FBXW5: variants seen among roughly 807,000 people sequenced by gnomAD.
FBXW5 encodes the protein F-box and WD repeat domain containing 5.
Under a neutral mutation model 50.9 loss-of-function variants are expected in FBXW5, and 74 were observed. That is an observed-to-expected ratio of 1.45 (90% CI 1.20 to 1.76). FBXW5 has a LOEUF of 1.76. FBXW5 is among the 40% of genes most tolerant of loss of function. The probability of loss-of-function intolerance (pLI) is 0.00; values close to 1 mark genes in which losing one functional copy is unlikely to be tolerated. For synonymous variants in FBXW5, 523 were observed against 362.2 expected, an observed-to-expected ratio of 1.44 and a Z score of -5.04; for missense variants, 1,073 against 818.8, an observed-to-expected ratio of 1.31 and a Z score of -3.79.
rs374458979 is a variant in FBXW5, at chr9:136,943,970, G to A, written c.114C>T (p.Ala38=). The A allele has an allele frequency of 2.2e-4, 349 of 1,572,354 alleles. No individual in the cohort carries two copies. The highest frequency in any genetic ancestry group is 2.5e-4 in the Non-Finnish European group (291 of 1,160,304). The change falls in exon 2 of 9, where the codon GCC becomes GCT. Residue 38 remains alanine, a synonymous_variant. Coordinates refer to ENST00000325285, the MANE Select transcript of FBXW5 (RefSeq NM_018998.4). ...AAGLVCRQWQ[A]VSRDEFLWRE... Reference sequence around the variant, plus strand: ...TCCACAGGAACTCGTCCCGCGACACGGCCTGCCATTGGCGGCACACCAGCC... The same window carrying A: ...TCCACAGGAACTCGTCCCGCGACACAGCCTGCCATTGGCGGCACACCAGCC...
intron 6 of FBXW5, 125 bp from the exon 7 acceptor site, chr9:136,941,809 C>A (rs1428604679): frequency 1.4e-6 from 2 of 1,445,680 alleles, no homozygotes; most frequent in East Asian, 5.0e-5. Context: ...GCACTGCCTG[C>A]TCCGGGGGCC....
In FBXW5 at chr9:136,942,433, G is replaced by T; in HGVS notation, c.709C>A (p.Arg237=). 1.2e-6 allele frequency: 2 copies of T among 1,601,650 alleles called. No homozygotes were observed. Residue 237 remains arginine, a synonymous_variant, in exon 6 of 9, where the codon CGG becomes AGG. Transcript: ENST00000325285. The part of the protein sequence containing the change: ...VESENVNVVK[R]LFKIQNLNAS... ...TTGAGGTTCTGGATCTTGAACAGCC[G>T]CTTCACCACGTTGACGTTCTCTGAC... is the stretch of plus-strand genomic sequence containing the variant.
Position 136,942,956 on chromosome 9 carries a change from G to A in FBXW5, c.352-13C>T. The A allele has an allele frequency of 1.2e-6, 2 of 1,612,670 alleles. No homozygotes were observed. Among genetic ancestry groups the A allele is most frequent in the East Asian group, 2.2e-5 (1 of 44,850 alleles). On this transcript the variant is annotated splice_polypyrimidine_tract_variant and intron_variant, in intron 3 of 8. Transcript: ENST00000325285. ...CGTTGCTCCAGATCTGTTCGGCAGG[G>A]GCGGCTGTAGTGATCGCCTGGCCAG...
At position 136,941,453 on chromosome 9, in the gene FBXW5, C is replaced by A; in HGVS notation, c.1255G>T (p.Val419Leu). ...GLSPDNRYLY[V>L]NSRAWPNGAV... ...CCGTTGGGCCAGGCGCGGCTGTTCA[C>A]GTACAGGTACCTGGGCGAGGGGCAC... Residue 419 changes from valine to leucine, a missense_variant, in exon 8 of 9, where the codon GTG becomes TTG. Transcript: ENST00000325285. The A allele has an allele frequency of 6.2e-7, 1 of 1,607,366 alleles. No homozygotes were observed. The highest frequency in any genetic ancestry group is 8.5e-7 in the Non-Finnish European group (1 of 1,179,788).
Position 136,942,336 on chromosome 9 carries a change from G to C in FBXW5, c.806C>G (p.Ala269Gly), listed in dbSNP as rs750934597. The C allele has an allele frequency of 3.1e-6, 5 of 1,603,074 alleles. No homozygotes were observed. The African/African-American group carries it at 6.7e-5, about 21-fold the overall frequency. The stretch of plus-strand genomic sequence containing the variant: ...GCAGGGGGACGTGGCCGGGTCACCG[G>C]CTTCCAGCAGCAGGTCAGGGCTGTC... ...RFDSPDLLLE[A>G]GDPATSPCRI... is the part of the protein sequence containing the mutation. The change falls in exon 6 of 9, where the codon GCC (alanine) becomes GGC (glycine). Residue 269 changes from alanine (A) to glycine (G), a missense_variant. Ala to Gly is a moderately conservative substitution (Grantham distance 60, BLOSUM62 0). Coordinates refer to ENST00000325285, the MANE Select transcript of FBXW5 (RefSeq NM_018998.4).
At position 136,942,694 on chromosome 9, in the gene FBXW5, G is replaced by A. The variant is rs745504729; in HGVS notation, c.528C>T (p.Asp176=). The change falls in exon 5 of 9, where the codon GAC becomes GAT. Residue 176 remains aspartate, a splice_region_variant and synonymous_variant. Coordinates refer to ENST00000325285, the MANE Select transcript of FBXW5 (RefSeq NM_018998.4). ...GCACGCGGGACAGCAGCGCGAAGGA[G>A]TCTGTGGGGAGGCCGGGGCTGGACA... The part of the protein sequence containing the change: ...SSGEIAVISL[D]SFALLSRVRN... The A allele has an allele frequency of 6.2e-7, 1 of 1,611,252 alleles. No individual in the cohort carries two copies. The highest frequency in any genetic ancestry group is 8.5e-7 in the Non-Finnish European group (1 of 1,179,342).
At chr9:136,944,186 A>G in intron 1 of FBXW5, 80 bp from the exon 2 acceptor site, 4 of 1,392,840 alleles carry the variant, frequency 2.9e-6, no homozygotes, top group South Asian at 1.4e-5. Flanking sequence ...TCCAGCCCCA[A>G]CCGTCCCGCC....
At position 136,942,409 on chromosome 9, in the gene FBXW5, T is replaced by G; in HGVS notation, c.733A>C (p.Asn245His). The G allele has an allele frequency of 6.2e-7, 1 of 1,608,418 alleles. No homozygotes were observed. The highest frequency in any genetic ancestry group is 8.5e-7 in the Non-Finnish European group (1 of 1,176,670). ...VKRLFKIQNL[N>H]ASTVRTVMVA... ...ATCACCGTGCGGACGGTGCTGGCAT[T>G]GAGGTTCTGGATCTTGAACAGCCGC... is the stretch of plus-strand genomic sequence containing the variant. The change falls in exon 6 of 9, where the codon AAT (asparagine) becomes CAT (histidine). Residue 245 changes from asparagine to histidine, a missense_variant. Coordinates refer to ENST00000325285, the MANE Select transcript of FBXW5 (RefSeq NM_018998.4).
Position 136,941,647 on chromosome 9 carries a change from T to G in FBXW5, c.1134A>C (p.Ala378=), listed in dbSNP as rs1850774124. ...KQILPHQMTT[A]GPVLGEGRGS... Reference sequence around the variant, plus strand: ...CCCGGCCCTCACCCAGCACGGGCCCTGCCGTGGTCATCTGGTGTGGCAGGA... The same window carrying G: ...CCCGGCCCTCACCCAGCACGGGCCCGGCCGTGGTCATCTGGTGTGGCAGGA... The change falls in exon 7 of 9, where the codon GCA becomes GCC. Residue 378 remains alanine, a synonymous_variant. Coordinates refer to ENST00000325285, the MANE Select transcript of FBXW5 (RefSeq NM_018998.4). 6.4e-7 allele frequency: 1 copy of G among 1,570,348 alleles called. No individual in the cohort carries two copies.
intron 2 of FBXW5, 98 bp downstream of exon 2, chr9:136,943,793 G>A (rs375533673): frequency 1.3e-5 from 17 of 1,337,854 alleles, no homozygotes; most frequent in Middle Eastern, 2.6e-4. Context: ...ATGGACACGC[G>A]GGGCCGCGGG....
Position 136,942,289 on chromosome 9 carries a change from C to G in FBXW5, c.853G>C (p.Asp285His), listed in dbSNP as rs373229714. The change falls in exon 6 of 9, where the codon GAC (aspartate) becomes CAC (histidine). Residue 285 changes from aspartate to histidine, a missense_variant. Coordinates refer to ENST00000325285, the MANE Select transcript of FBXW5 (RefSeq NM_018998.4). ...GGGCCAGCCACCACCTCCTCGTTGTCGCTGCCCAGGTCAAAGATGCGGCAG... is the reference window on the plus strand; with the variant it reads ...GGGCCAGCCACCACCTCCTCGTTGTGGCTGCCCAGGTCAAAGATGCGGCAG... The part of the protein sequence containing the change: ...SPCRIFDLGS[D>H]NEEVVAGPAP... 1 of 1,589,412 alleles carries G rather than the reference C, an allele frequency of 6.3e-7. No homozygotes were observed. The highest frequency in any genetic ancestry group is 8.6e-7 in the Non-Finnish European group (1 of 1,168,882).
At chr9:136,942,728 G>T in intron 4 of FBXW5, 33 bp from the exon 5 acceptor site, 2 of 1,610,842 alleles carry the variant, frequency 1.2e-6, no homozygotes, top group Non-Finnish European at 1.7e-6. Context: ...CAGGCTGTCG[G>T]CGTGGGGCGG....
In FBXW5 at chr9:136,941,467, G is replaced by A; in HGVS notation, c.1245-4C>T. 3.1e-6 allele frequency: 5 copies of A among 1,606,566 alleles called. No homozygotes were observed. Among genetic ancestry groups the A allele is most frequent in the Non-Finnish European group, 4.2e-6 (5 of 1,179,716 alleles). Reference sequence around the variant, plus strand: ...GCGGCTGTTCACGTACAGGTACCTGGGCGAGGGGCACTGTGCTAGGTGTGG... The same window carrying A: ...GCGGCTGTTCACGTACAGGTACCTGAGCGAGGGGCACTGTGCTAGGTGTGG... On this transcript the variant is annotated splice_region_variant and splice_polypyrimidine_tract_variant and intron_variant, in intron 7 of 8. Coordinates refer to ENST00000325285, the MANE Select transcript of FBXW5 (RefSeq NM_018998.4).
chr9:136,942,795 G>A lies in FBXW5; in HGVS notation c.500C>T (p.Ser167Phe). Residue 167 changes from serine to phenylalanine, a missense_variant, in exon 4 of 9, where the codon TCC becomes TTC. Transcript: ENST00000325285. ...GVFLGPHNSS[S>F]GEIAVISLDS... is the part of the protein sequence containing the mutation. Reference sequence around the variant, plus strand: ...TAGGCTGATGACAGCAATCTCGCCGGATGAGGAGTTGTGCGGCCCCAGGAA... The same window carrying A: ...TAGGCTGATGACAGCAATCTCGCCGAATGAGGAGTTGTGCGGCCCCAGGAA... 6.2e-7 allele frequency: 1 copy of A among 1,613,098 alleles called. No individual in the cohort carries two copies. Among genetic ancestry groups the A allele is most frequent in the South Asian group, 1.1e-5 (1 of 91,082 alleles).
In FBXW5 at chr9:136,941,470, G is replaced by A. The variant is rs376477610; in HGVS notation, c.1245-7C>T. The A allele has an allele frequency of 3.7e-4, 587 of 1,606,498 alleles. 2 individuals are homozygous for A. The African/African-American group carries it at 4.1e-3, about 11-fold the overall frequency. On this transcript the variant is annotated splice_region_variant and splice_polypyrimidine_tract_variant and intron_variant, in intron 7 of 8. Coordinates refer to ENST00000325285, the MANE Select transcript of FBXW5 (RefSeq NM_018998.4). ...GCTGTTCACGTACAGGTACCTGGGCGAGGGGCACTGTGCTAGGTGTGGGCC... is the reference window on the plus strand; with the variant it reads ...GCTGTTCACGTACAGGTACCTGGGCAAGGGGCACTGTGCTAGGTGTGGGCC...
chr9:136,942,521 A>G lies in FBXW5; in HGVS notation c.675+26T>C, dbSNP rs774094954. 13 of 1,600,398 alleles carry G rather than the reference A, an allele frequency of 8.1e-6. No homozygotes were observed. In the Admixed American group the frequency reaches 2.2e-4, roughly 27 times the overall value. On this transcript the variant is annotated intron_variant, in intron 5 of 8. Coordinates refer to ENST00000325285, the MANE Select transcript of FBXW5 (RefSeq NM_018998.4). ...GCCGGGCGCCAGGCCCCAGGAGGGC[A>G]GCCCCGCCCCTAGCCCCGCACGCAC...
In FBXW5 at chr9:136,940,453, A is replaced by G. The variant is rs1040983356; in HGVS notation, c.*475T>C. The G allele has an allele frequency of 1.0e-4, 21 of 207,184 alleles. No individual in the cohort carries two copies. Among genetic ancestry groups the G allele is most frequent in the Non-Finnish European group, 1.6e-4 (16 of 100,004 alleles). 12.8% of individuals were successfully genotyped at this position (207,184 alleles called of 1,614,324 possible). Reference sequence around the variant, plus strand: ...AACAATGTGCTGTTGCCAACTGTTTATTCAGGGCCCTGAACGGGTGGTGCG... The same window carrying G: ...AACAATGTGCTGTTGCCAACTGTTTGTTCAGGGCCCTGAACGGGTGGTGCG... On this transcript the variant is annotated 3_prime_UTR_variant, in exon 9 of 9. Transcript: ENST00000325285.
In FBXW5 at chr9:136,943,798, C is replaced by T. The variant is rs1044375029; in HGVS notation, c.193+93G>A. ...GGGGGTGAGCATGGACACGCGGGGC[C>T]GCGGGGCGGGCCCCCAGCCAGGCTG... On this transcript the variant is annotated intron_variant, in intron 2 of 8. Coordinates refer to ENST00000325285, the MANE Select transcript of FBXW5 (RefSeq NM_018998.4). 3.2e-5 allele frequency: 44 copies of T among 1,373,942 alleles called. No individual in the cohort carries two copies. In the East Asian group the frequency reaches 8.5e-4, roughly 27 times the overall value. 85.1% of individuals were successfully genotyped at this position (1,373,942 alleles called of 1,614,324 possible).
chr9:136,943,567 C>G, intron 2 of FBXW5, 61 bp from the exon 3 acceptor site: 2 of 1,547,046 alleles, frequency 1.3e-6, no homozygotes, highest in Admixed American at 1.9e-5. Flanking sequence ...GGCCATGAGC[C>G]GAGTGTGGCC....
Sources: gnomAD v4.1 joint callset for allele counts on GRCh38, gnomAD v4.1.1 for gene constraint, MANE v1.5 for transcripts, NCBI Gene and HGNC (gene_info 2026-07-23, HGNC 2026-07-21) for gene names.